CALHM5: variants seen among roughly 807,000 people sequenced by gnomAD.
CALHM5 encodes the protein calcium homeostasis modulator family member 5, also known as calcium homeostasis modulator protein 5.
A neutral mutation model predicts 20.9 loss-of-function variants in CALHM5; 17 were observed. The ratio of observed to expected loss-of-function variants is 0.82; its 90% CI spans 0.56 to 1.22. CALHM5 has a LOEUF of 1.22. Among genes scored for constraint, CALHM5 ranks in the 50% most tolerant of loss-of-function variants. CALHM5 has a pLI of 0.00. For missense variants in CALHM5, 360 were observed against 364.6 expected (o/e 0.99, Z 0.10); for synonymous variants, 148 against 140.0 (o/e 1.06, Z -0.40).
In CALHM5 at chr6:116,521,948, T is replaced by C. The variant is rs1772350458; in HGVS notation, c.*5959T>C. On this transcript the variant is annotated 3_prime_UTR_variant, in exon 2 of 2. Coordinates refer to ENST00000368599, the MANE Select transcript of CALHM5 (RefSeq NM_153711.5). ...CTCAACAGTCTGGTAAAAGCCACTA[T>C]GTAAGAACTGCAATTACTCAGGGAC... 6.6e-6 allele frequency: 1 copy of C among 152,156 alleles called. No individual in the cohort carries two copies. Among genetic ancestry groups the C allele is most frequent in the African/African-American group, 2.4e-5 (1 of 41,426 alleles). 9.4% of individuals were successfully genotyped at this position (152,156 alleles called of 1,614,324 possible).
At position 116,514,635 on chromosome 6, in the gene CALHM5, G is replaced by A. The variant is rs190910781; in HGVS notation, c.541-965G>A. ...AAGGGGAAAGTTTAGATTTAAACCT[G>A]AGTAGTGCCAGTCCAGAGTTGGCAT... On this transcript the variant is annotated intron_variant, in intron 1 of 1. Transcript: ENST00000368599. Among the ~76,000 whole-genome samples the A allele has an allele frequency of 7.2e-5, 11 of 152,280 alleles. No homozygotes were observed. In the East Asian group the frequency reaches 2.1e-3, roughly 29 times the overall value.
Position 116,512,242 on chromosome 6 carries a change from A to G in CALHM5, c.540+6A>G. On this transcript the variant is annotated splice_donor_region_variant and intron_variant, in intron 1 of 1. Coordinates refer to ENST00000368599, the MANE Select transcript of CALHM5 (RefSeq NM_153711.5). ...CCCTTCAGGCCCAGTCTCAGGTAAG[A>G]AAAGACAAACTCGCCTTTTTCTCTC... is the stretch of plus-strand genomic sequence containing the variant. 1.3e-6 allele frequency: 2 copies of G among 1,585,718 alleles called. No homozygotes were observed. The highest frequency in any genetic ancestry group is 1.7e-6 in the Non-Finnish European group (2 of 1,169,352).
Position 116,517,820 on chromosome 6 carries a change from G to A in CALHM5, c.*1831G>A, listed in dbSNP as rs1772256873. On this transcript the variant is annotated 3_prime_UTR_variant, in exon 2 of 2. Transcript: ENST00000368599. ...GTTGGAACTTTCAGCCCCACTCCCA[G>A]ACCTTGGGGAAGGAAGAGGGGCTGA... is the stretch of plus-strand genomic sequence containing the variant. 1 of 152,148 alleles carries A rather than the reference G, an allele frequency of 6.6e-6. No homozygotes were observed. Among genetic ancestry groups the A allele is most frequent in the Non-Finnish European group, 1.5e-5 (1 of 68,026 alleles). The allele number at this position is 152,148 out of a possible 1,614,324, so 9.4% of individuals were successfully genotyped here.
chr6:116,515,718 A>G lies in CALHM5; in HGVS notation c.659A>G (p.Gln220Arg), dbSNP rs2115168378. 6.2e-7 allele frequency: 1 copy of G among 1,614,044 alleles called. No individual in the cohort carries two copies. The highest frequency in any genetic ancestry group is 8.5e-7 in the Non-Finnish European group (1 of 1,179,936). The change falls in exon 2 of 2, where the codon CAA becomes CGA. Residue 220 changes from glutamine (Q) to arginine (R), a missense_variant. Physicochemically the swap from Gln to Arg is conservative, Grantham distance 43. Coordinates refer to ENST00000368599, the MANE Select transcript of CALHM5 (RefSeq NM_153711.5). The stretch of plus-strand genomic sequence containing the variant: ...CTGAGTTTTTGGAAGACATATGCAC[A>G]AAAGGAGAAGGAGCAGTTGGAAAAT... ...LQLSFWKTYA[Q>R]KEKEQLENTF...
Position 116,516,098 on chromosome 6 carries a change from A to G in CALHM5, c.*109A>G. On this transcript the variant is annotated 3_prime_UTR_variant, in exon 2 of 2. Coordinates refer to ENST00000368599, the MANE Select transcript of CALHM5 (RefSeq NM_153711.5). ...CTCTGTATTTTCTTACATTTGGAGTATGTTTACAAGACAATAACACAAAGG... is the reference window on the plus strand; with the variant it reads ...CTCTGTATTTTCTTACATTTGGAGTGTGTTTACAAGACAATAACACAAAGG... The G allele has an allele frequency of 2.8e-6, 4 of 1,405,002 alleles. No homozygotes were observed. The highest frequency in any genetic ancestry group is 2.8e-6 in the Non-Finnish European group (3 of 1,055,920). 87.0% of individuals were successfully genotyped at this position (1,405,002 alleles called of 1,614,324 possible).
intron 1 of CALHM5, 109 bp from the exon 2 acceptor site, chr6:116,515,491 G>T (rs1221007100): frequency 9.0e-7 from 1 of 1,108,298 alleles, no homozygotes; most frequent in Non-Finnish European, 1.3e-6. Context: ...TTCAAATGAG[G>T]TATGTCAAAG....
At chr6:116,513,164 A>G (rs965856338) in intron 1 of CALHM5, among the ~76,000 whole-genome samples, 1 of 152,208 alleles carries the variant, frequency 6.6e-6, no homozygotes, top group African/African-American at 2.4e-5. Context: ...AAAGGCACAG[A>G]AATAGCATTA....
rs1032219060 is a variant in CALHM5 at position 116,515,966 on chromosome 6, G to T, written c.907G>T (p.Val303Leu). The T allele has an allele frequency of 4.4e-6, 7 of 1,605,726 alleles. No individual in the cohort carries two copies. Among genetic ancestry groups the T allele is most frequent in the Middle Eastern group, 3.3e-4 (2 of 6,034 alleles). The change falls in exon 2 of 2, where the codon GTG becomes TTG. Residue 303 changes from valine (V) to leucine (L), a missense_variant. Coordinates refer to ENST00000368599, the MANE Select transcript of CALHM5 (RefSeq NM_153711.5). ...PEDDETTMVL[V>L]GTAHNM ...GGATGATGAGACGACAATGGTCCTTGTGGGTACTGCCCACAATATGTAGCT... is the reference window on the plus strand; with the variant it reads ...GGATGATGAGACGACAATGGTCCTTTTGGGTACTGCCCACAATATGTAGCT...
Position 116,511,853 on chromosome 6 carries a change from G to C in CALHM5, c.157G>C (p.Val53Leu), listed in dbSNP as rs1314423807. ...CACTGAGAATATGACCTATGGGCTGGTTTTCCTCTTTGCTCCTGCCTGGGT... is the reference window on the plus strand; with the variant it reads ...CACTGAGAATATGACCTATGGGCTGCTTTTCCTCTTTGCTCCTGCCTGGGT... Reference protein sequence around the residue: ...CSTENMTYGLVFLFAPAWVLL... With the variant: ...CSTENMTYGLLFLFAPAWVLL... Residue 53 changes from valine (V) to leucine (L), a missense_variant, in exon 1 of 2, where the codon GTT (valine) becomes CTT (leucine). Transcript: ENST00000368599. 1.9e-6 allele frequency: 3 copies of C among 1,614,060 alleles called. No homozygotes were observed. The highest frequency in any genetic ancestry group is 3.3e-5 in the Admixed American group (2 of 59,980).
In CALHM5 at chr6:116,511,819, C is replaced by T. The variant is rs1412381506; in HGVS notation, c.123C>T (p.Cys41=). The change falls in exon 1 of 2, where the codon TGC becomes TGT. Residue 41 remains cysteine (C), a synonymous_variant. Coordinates refer to ENST00000368599, the MANE Select transcript of CALHM5 (RefSeq NM_153711.5). ...TCTTTTCTGTTGTGGCTTTTAAGTG[C>T]CCCTGCAGCACTGAGAATATGACCT... ...ERLFSVVAFK[C]PCSTENMTYG... The T allele has an allele frequency of 1.2e-6, 2 of 1,614,024 alleles. No homozygotes were observed. The highest frequency in any genetic ancestry group is 1.1e-5 in the South Asian group (1 of 91,062).
chr6:116,515,712 A>G lies in CALHM5; in HGVS notation c.653A>G (p.Tyr218Cys), dbSNP rs1186000302. 1 of 1,614,042 alleles carries G rather than the reference A, an allele frequency of 6.2e-7. No individual in the cohort carries two copies. The highest frequency in any genetic ancestry group is 1.7e-5 in the Admixed American group (1 of 59,992). ...CTTCAGCTGAGTTTTTGGAAGACAT[A>G]TGCACAAAAGGAGAAGGAGCAGTTG... ...SYLQLSFWKT[Y>C]AQKEKEQLEN... Residue 218 changes from tyrosine (Y) to cysteine (C), a missense_variant, in exon 2 of 2, where the codon TAT (tyrosine) becomes TGT (cysteine). Tyr to Cys is a radical substitution (Grantham distance 194). Transcript: ENST00000368599.
At chr6:116,514,019 A>G (rs1174443237) in intron 1 of CALHM5, among the ~76,000 whole-genome samples, 1 of 152,202 alleles carries the variant, frequency 6.6e-6, no homozygotes, top group Non-Finnish European at 1.5e-5. Context: ...ACAAATGGGC[A>G]TAAAGCTTCT....
intron 1 of CALHM5, among the ~76,000 whole-genome samples, chr6:116,515,148 A>G (rs1772197886): frequency 6.6e-6 from 1 of 152,196 alleles, no homozygotes; most frequent in Admixed American, 6.5e-5. Flanking sequence ...ACAGTAAGTA[A>G]TGACAGAAAA....
rs755717802 is a variant in CALHM5 at position 116,515,643 on chromosome 6, T to C, written c.584T>C (p.Leu195Pro). ...ATTTGTTCAGCGTCTTTCTTCTCTCTGCTCACCACATGTTATGCTCGCTGC... is the reference window on the plus strand; with the variant it reads ...ATTTGTTCAGCGTCTTTCTTCTCTCCGCTCACCACATGTTATGCTCGCTGC... ...CLICSASFFS[L>P]LTTCYARCRS... The change falls in exon 2 of 2, where the codon CTG becomes CCG. Residue 195 changes from leucine (L) to proline (P), a missense_variant. Coordinates refer to ENST00000368599, the MANE Select transcript of CALHM5 (RefSeq NM_153711.5). 1.2e-6 allele frequency: 2 copies of C among 1,613,902 alleles called. No individual in the cohort carries two copies. Among genetic ancestry groups the C allele is most frequent in the Admixed American group, 1.7e-5 (1 of 59,966 alleles).
chr6:116,515,555 T>C (rs1417857483), intron 1 of CALHM5, 45 bp from the exon 2 acceptor site: 6 of 1,545,504 alleles, frequency 3.9e-6, no homozygotes, highest in Admixed American at 2.0e-5. Flanking sequence ...GCTCCCTAAA[T>C]GGCTTTGCTT....
intron 1 of CALHM5, among the ~76,000 whole-genome samples, chr6:116,514,388 G>T (rs1248875624): frequency 6.6e-6 from 1 of 152,204 alleles, no homozygotes; most frequent in Non-Finnish European, 1.5e-5. Flanking sequence ...GATGGTAGTT[G>T]TGCCTCACTC....
rs1270053006 is a variant in CALHM5, at chr6:116,521,515, A to AGG, written c.*5528_*5529dup. On this transcript the variant is annotated 3_prime_UTR_variant, in exon 2 of 2. Coordinates refer to ENST00000368599, the MANE Select transcript of CALHM5 (RefSeq NM_153711.5). ...GGTGACCCAACTCGAGTGGAGAGAG[A>AGG]GGGAGAGAGAGAGAGACAGAGAGCA... 2.4e-5 allele frequency: 3 copies of AGG among 124,742 alleles called. No individual in the cohort carries two copies. The East Asian group carries it at 8.1e-4, about 34-fold the overall frequency. 7.7% of individuals were successfully genotyped at this position (124,742 alleles called of 1,614,324 possible).
intron 1 of CALHM5, chr6:116,512,493 A>T: frequency 2.3e-6 from 1 of 430,506 alleles, no homozygotes; most frequent in East Asian, 3.5e-5. Context: ...ATAAATACTT[A>T]AGTACTTTAA....
intron 1 of CALHM5, among the ~76,000 whole-genome samples, chr6:116,515,186 T>C: frequency 6.6e-6 from 1 of 152,242 alleles, no homozygotes; most frequent in Non-Finnish European, 1.5e-5. Context: ...TGTATATACA[T>C]TTATCAATGC....
Sources: allele counts gnomAD v4.1 joint callset (sites outside exome capture counted in the v4.1 genomes callset), GRCh38; gene constraint gnomAD v4.1.1; transcripts MANE v1.5; gene names NCBI Gene and HGNC (gene_info 2026-07-23, HGNC 2026-07-21).